WASF1: variants seen among roughly 807,000 people sequenced by gnomAD.
WASF1 encodes the protein actin-binding protein WASF1.
WASF1 carries 7 observed loss-of-function variants against 50.5 expected under a neutral mutation model. That is an observed-to-expected ratio of 0.14 (90% CI 0.08 to 0.26). The LOEUF is 0.26. WASF1 is among the 10% of genes least tolerant of loss of function. WASF1 has a pLI of 1.00. For synonymous variants in WASF1, 205 were observed against 244.0 expected, an observed-to-expected ratio of 0.84 and a Z score of 1.49; for missense variants, 470 against 694.7, an observed-to-expected ratio of 0.68 and a Z score of 3.64.
At chr6:110,158,373 G>A (rs1776114614) in intron 3 of WASF1, among the ~76,000 whole-genome samples, 1 of 120,672 alleles carries the variant, frequency 8.3e-6, no homozygotes, top group South Asian at 3.1e-4. Flanking sequence ...TCTGATGGTA[G>A]TTTGTATTTC....
chr6:110,107,338 C>A, intron 6 of WASF1, 144 bp from the exon 7 acceptor site: 1 of 538,622 alleles, frequency 1.9e-6, no homozygotes. Flanking sequence ...GAATATTGCA[C>A]CAATAGAAAA....
At position 110,101,651 on chromosome 6, in the gene WASF1, G is replaced by A. The variant is rs1773093204; in HGVS notation, c.1459C>T (p.His487Tyr). ...QVIPASEPKR[H>Y]PSTLPVISDA... ...CTGATTACAGGTAGGGTTGATGGATGGCGCTTTGGCTCAGAAGCAGGTATA... is the reference window on the plus strand; with the variant it reads ...CTGATTACAGGTAGGGTTGATGGATAGCGCTTTGGCTCAGAAGCAGGTATA... Residue 487 changes from histidine to tyrosine, a missense_variant, in exon 10 of 11, where the codon CAT becomes TAT. By Grantham distance (83) the His-to-Tyr change is moderately conservative. Transcript: ENST00000392589. 6.2e-7 allele frequency: 1 copy of A among 1,614,072 alleles called. No homozygotes were observed. Among genetic ancestry groups the A allele is most frequent in the Non-Finnish European group, 8.5e-7 (1 of 1,179,956 alleles).
chr6:110,144,520 A>G (rs949611972), intron 3 of WASF1, among the ~76,000 whole-genome samples: 1 of 152,148 alleles, frequency 6.6e-6, no homozygotes, highest in African/African-American at 2.4e-5. Context: ...TTGGTGTTTT[A>G]GACATGAAGT....
chr6:110,112,109 G>A (rs1773583240), intron 5 of WASF1, among the ~76,000 whole-genome samples: 2 of 151,046 alleles, frequency 1.3e-5, no homozygotes, highest in South Asian at 4.2e-4. Context: ...CCATCACTAA[G>A]ACATCTATCA....
chr6:110,115,567 T>C (rs1333412831), intron 4 of WASF1, among the ~76,000 whole-genome samples: 1 of 152,250 alleles, frequency 6.6e-6, no homozygotes, highest in African/African-American at 2.4e-5. Flanking sequence ...AGTTTCACAC[T>C]GAAGGTGTCA....
intron 3 of WASF1, among the ~76,000 whole-genome samples, chr6:110,139,517 A>G (rs1562177888): frequency 6.6e-6 from 1 of 152,214 alleles, no homozygotes; most frequent in African/African-American, 2.4e-5. Flanking sequence ...TGAAGTCTGC[A>G]TCTCCTGAAT....
chr6:110,145,310 G>T (rs1775503216), intron 3 of WASF1, among the ~76,000 whole-genome samples: 1 of 152,170 alleles, frequency 6.6e-6, no homozygotes, highest in East Asian at 1.9e-4. Context: ...CATTGATTTT[G>T]TATCCTGAGA....
At chr6:110,128,892 T>C (rs924814286) in intron 3 of WASF1, among the ~76,000 whole-genome samples, 2 of 152,126 alleles carry the variant, frequency 1.3e-5, no homozygotes, top group African/African-American at 4.8e-5. Context: ...ACTGCACACG[T>C]GAGGGGTCTA....
chr6:110,119,916 A>T (rs1434126126), intron 4 of WASF1, among the ~76,000 whole-genome samples: 1 of 152,228 alleles, frequency 6.6e-6, no homozygotes, highest in Non-Finnish European at 1.5e-5. Context: ...AATCCATCAC[A>T]TGAACAGAAC....
intron 3 of WASF1, among the ~76,000 whole-genome samples, chr6:110,153,634 A>C (rs1775922242): frequency 6.6e-6 from 1 of 152,058 alleles, no homozygotes; most frequent in Non-Finnish European, 1.5e-5. Flanking sequence ...AGACTGGACA[A>C]GGTGGCTCAC....
At chr6:110,140,138 G>A (rs1775159689) in intron 3 of WASF1, among the ~76,000 whole-genome samples, 1 of 152,162 alleles carries the variant, frequency 6.6e-6, no homozygotes, top group African/African-American at 2.4e-5. Flanking sequence ...GCTGAGACAG[G>A]CTGAATGTTA....
chr6:110,178,148 T>C (rs1448026087), intron 2 of WASF1, among the ~76,000 whole-genome samples: 2 of 152,116 alleles, frequency 1.3e-5, no homozygotes, highest in Non-Finnish European at 2.9e-5. Context: ...TCATCTTAAA[T>C]ATTAAATCCT....
intron 4 of WASF1, among the ~76,000 whole-genome samples, chr6:110,127,003 C>T (rs1252988176): frequency 6.6e-6 from 1 of 152,068 alleles, no homozygotes; most frequent in African/African-American, 2.4e-5. Context: ...ACTAGCCTAC[C>T]CCTCTGACTA....
At position 110,140,747 on chromosome 6, in the gene WASF1, C is replaced by G. The variant is rs144764859; in HGVS notation, c.-28-13118G>C. On this transcript the variant is annotated intron_variant, in intron 3 of 10. Coordinates refer to ENST00000392589, the MANE Select transcript of WASF1 (RefSeq NM_003931.3). ...ACATTGAGTGTGTTTCTTCAACTCACAGTACTGAACTCCCCCTTCTTGTGA... is the reference window on the plus strand; with the variant it reads ...ACATTGAGTGTGTTTCTTCAACTCAGAGTACTGAACTCCCCCTTCTTGTGA... Among the ~76,000 whole-genome samples the G allele has an allele frequency of 3.8e-3, 584 of 152,272 alleles. 3 individuals carry two copies. The highest frequency in any genetic ancestry group is 0.013 in the African/African-American group (546 of 41,548).
At chr6:110,167,545 T>C (rs1324658319) in intron 2 of WASF1, among the ~76,000 whole-genome samples, 1 of 152,046 alleles carries the variant, frequency 6.6e-6, no homozygotes, top group Non-Finnish European at 1.5e-5. Context: ...TCTGTACCTC[T>C]AATTCTTTGA....
chr6:110,103,620 T>G lies in WASF1; in HGVS notation c.714-63A>C, dbSNP rs111414330. 4.2e-5 allele frequency: 59 copies of G among 1,390,038 alleles called. 1 individual carries two copies. The African/African-American group carries it at 6.1e-4, about 14-fold the overall frequency. 86.1% of individuals were successfully genotyped at this position (1,390,038 alleles called of 1,614,324 possible). On this transcript the variant is annotated intron_variant, in intron 8 of 10. Coordinates refer to ENST00000392589, the MANE Select transcript of WASF1 (RefSeq NM_003931.3). ...ATTATTGGGAGGAAAGGGTTCTACA[T>G]GAGATATTAAATATTTAAAGTTTAT...
In WASF1 at chr6:110,134,400, C is replaced by T. The variant is rs1774845505; in HGVS notation, c.-28-6771G>A. 2.0e-5 allele frequency among the ~76,000 whole-genome samples: 3 copies of T among 151,066 alleles called. No individual in the cohort carries two copies. The South Asian group carries it at 6.2e-4, about 31-fold the overall frequency. On this transcript the variant is annotated intron_variant, in intron 3 of 10. Transcript: ENST00000392589. ...TGACTTTATTTCTGGGTTCTCTATT[C>T]TGTTCCATTGTTCTATGTGCCCTTT... is the stretch of plus-strand genomic sequence containing the variant.
intron 4 of WASF1, among the ~76,000 whole-genome samples, chr6:110,120,395 AACAG>A (rs1464361292): frequency 6.6e-6 from 1 of 151,986 alleles, no homozygotes; most frequent in African/African-American, 2.4e-5. Context: ...ATACACCAAT[AACAG>A]ACAAACAGCC....
intron 2 of WASF1, among the ~76,000 whole-genome samples, chr6:110,164,016 G>C (rs977608928): frequency 6.6e-6 from 1 of 151,506 alleles, no homozygotes; most frequent in Non-Finnish European, 1.5e-5. Context: ...GCAAAAAACT[G>C]AATCTAGACA....
Sources: allele counts gnomAD v4.1 joint callset (sites outside exome capture counted in the v4.1 genomes callset), GRCh38; gene constraint gnomAD v4.1.1; transcripts MANE v1.5; gene names NCBI Gene and HGNC (gene_info 2026-07-23, HGNC 2026-07-21).